Variants in HSD17B14 observed in about 807,000 individuals in gnomAD.
The protein encoded by HSD17B14 is L-fucose dehydrogenase.
A neutral mutation model predicts 32.2 loss-of-function variants in HSD17B14; 32 were observed. The ratio of observed to expected loss-of-function variants is 0.99; its 90% CI spans 0.75 to 1.33. HSD17B14 has a LOEUF of 1.33. Ranked by LOEUF, HSD17B14 falls within the 40% of genes most tolerant of loss-of-function variation. HSD17B14 has a pLI of 0.00. For missense variants in HSD17B14, 370 were observed against 366.5 expected (o/e 1.01, Z -0.08); for synonymous variants, 140 against 155.4 (o/e 0.90, Z 0.74).
chr19:48,828,106 G>A (rs1036751498), intron 5 of HSD17B14, among the ~76,000 whole-genome samples: 4 of 152,002 alleles, frequency 2.6e-5, no homozygotes, highest in East Asian at 1.9e-4. Context: ...CGCCGGCCTC[G>A]GCCTCCCAAA....
rs370145914 is a variant in HSD17B14 at position 48,822,548 on chromosome 19, ATGT to A, written c.370-7410_370-7408del. ...GATGACTGTGGTAATGATGGTGGTG[ATGT>A]TGGTGATGGTAAATTTTAGTAATGA... On this transcript the variant is annotated intron_variant, in intron 5 of 8. Coordinates refer to ENST00000263278, the MANE Select transcript of HSD17B14 (RefSeq NM_016246.3). 1.9e-4 allele frequency among the ~76,000 whole-genome samples: 28 copies of A among 148,940 alleles called. No individual in the cohort carries two copies. In the South Asian group the frequency reaches 4.5e-3, roughly 24 times the overall value.
chr19:48,832,182 C>G (rs1056083764), intron 4 of HSD17B14, among the ~76,000 whole-genome samples: 1 of 150,150 alleles, frequency 6.7e-6, no homozygotes, highest in Non-Finnish European at 1.5e-5. Context: ...GAGTTCAAGA[C>G]CAGCCTGGCT....
At chr19:48,814,193 T>TAA (rs1555775573) in intron 6 of HSD17B14, among the ~76,000 whole-genome samples, 1 of 82,686 alleles carries the variant, frequency 1.2e-5, no homozygotes, top group East Asian at 2.8e-4. Flanking sequence ...AGACCCTATC[T>TAA]AAAAAAAAAA....
Position 48,836,404 on chromosome 19 carries a change from G to T in HSD17B14, c.8C>A (p.Thr3Lys), listed in dbSNP as rs748792003. 3.1e-6 allele frequency: 5 copies of T among 1,613,472 alleles called. No individual in the cohort carries two copies. Among genetic ancestry groups the T allele is most frequent in the Non-Finnish European group, 3.4e-6 (4 of 1,179,974 alleles). Residue 3 changes from threonine to lysine, a missense_variant, in exon 1 of 9, where the codon ACG becomes AAG. Thr to Lys is a moderately conservative substitution (Grantham distance 78, BLOSUM62 -1). Transcript: ENST00000263278. ...CACCTTCCCGGCATAGCGCGTTCCC[G>T]TAGCCATCCCGTGTACGTCGGTCTC... MATGTRYAGKVVV... is the reference protein window; with the variant it reads MAKGTRYAGKVVV...
At chr19:48,816,130 T>C (rs1273679334) in intron 5 of HSD17B14, among the ~76,000 whole-genome samples, 1 of 152,028 alleles carries the variant, frequency 6.6e-6, no homozygotes, top group Non-Finnish European at 1.5e-5. Context: ...TCTGTGTGTG[T>C]GCGTGTGTGT....
intron 2 of HSD17B14, among the ~76,000 whole-genome samples, 180 bp downstream of exon 2, chr19:48,835,625 G>T (rs952493336): frequency 8.3e-5 from 12 of 143,872 alleles, no homozygotes; most frequent in African/African-American, 2.7e-4. Flanking sequence ...AGGGCAGAGG[G>T]GCTGGGGGCC....
chr19:48,816,803 C>CTTTCTTTCTTTCT (rs1359509407), intron 5 of HSD17B14, among the ~76,000 whole-genome samples: 2 of 116,432 alleles, frequency 1.7e-5, no homozygotes, highest in Admixed American at 9.6e-5. Context: ...TTCTTTCTTT[C>CTTTCTTTCTTTCT]TTTCTTTCTT....
At chr19:48,825,329 TGAGAC>T (rs2035227020) in intron 5 of HSD17B14, among the ~76,000 whole-genome samples, 3 of 151,980 alleles carry the variant, frequency 2.0e-5, no homozygotes, top group Admixed American at 2.0e-4. Flanking sequence ...TTGTTTTGTT[TGAGAC>T]AAGTTCTTAC....
intron 5 of HSD17B14, among the ~76,000 whole-genome samples, chr19:48,821,594 C>A (rs2035149054): frequency 6.6e-6 from 1 of 151,438 alleles, no homozygotes; most frequent in African/African-American, 2.4e-5. Context: ...AGTCACGTGG[C>A]TGAGAGAGAA....
At chr19:48,820,918 G>A (rs2035135963) in intron 5 of HSD17B14, among the ~76,000 whole-genome samples, 3 of 152,022 alleles carry the variant, frequency 2.0e-5, no homozygotes, top group African/African-American at 7.2e-5. Flanking sequence ...TGGCCAGGCT[G>A]GTCTCAAACC....
At chr19:48,825,818 C>CTTTA (rs779912813) in intron 5 of HSD17B14, among the ~76,000 whole-genome samples, 128 of 151,828 alleles carry the variant, frequency 8.4e-4, no homozygotes, top group East Asian at 7.8e-4. Flanking sequence ...ACTTGACCAA[C>CTTTA]TTTATTTATT....
chr19:48,827,547 G>GT (rs141150187), intron 5 of HSD17B14, among the ~76,000 whole-genome samples: 11,547 of 150,228 alleles, frequency 0.077, 1,222 homozygotes, highest in African/African-American at 0.24. Flanking sequence ...CTTCTCCTTC[G>GT]TTTTTTTTTA....
At chr19:48,830,840 ATTT>A (rs1283117977) in intron 5 of HSD17B14, among the ~76,000 whole-genome samples, 1 of 148,478 alleles carries the variant, frequency 6.7e-6, no homozygotes, top group African/African-American at 2.5e-5. Flanking sequence ...TTATTTATTT[ATTT>A]ATTTATTTAT....
At chr19:48,821,013 ATTTTTT>A (rs550582834) in intron 5 of HSD17B14, among the ~76,000 whole-genome samples, 163 of 123,832 alleles carry the variant, frequency 1.3e-3, no homozygotes, top group Non-Finnish European at 2.2e-3. Flanking sequence ...GGATGGATAG[ATTTTTT>A]TTTTTTTTTT....
At chr19:48,825,216 C>A (rs539979785) in intron 5 of HSD17B14, among the ~76,000 whole-genome samples, 3 of 121,140 alleles carry the variant, frequency 2.5e-5, no homozygotes, top group Non-Finnish European at 4.7e-5. Context: ...CCAGCCTGGG[C>A]GATAGAGCGA....
chr19:48,820,394 T>C lies in HSD17B14; in HGVS notation c.370-5253A>G, dbSNP rs374364779. Among the ~76,000 whole-genome samples, 9 of 151,334 alleles carry C rather than the reference T, an allele frequency of 5.9e-5. No homozygotes were observed. In the East Asian group the frequency reaches 1.0e-3, roughly 17 times the overall value. On this transcript the variant is annotated intron_variant, in intron 5 of 8. Transcript: ENST00000263278. ...CTGAGACATGAGAACTGCTTGAACC[T>C]GGGAGGTGGAGATTGCAGTGAGCCG...
At chr19:48,820,331 G>A (rs375882064) in intron 5 of HSD17B14, among the ~76,000 whole-genome samples, 4 of 151,860 alleles carry the variant, frequency 2.6e-5, no homozygotes, top group East Asian at 2.0e-4. Context: ...TTAGCCAGGC[G>A]TGGTGGCACA....
intron 4 of HSD17B14, among the ~76,000 whole-genome samples, 163 bp downstream of exon 4, chr19:48,832,503 C>T (rs968017257): frequency 3.3e-5 from 5 of 152,120 alleles, no homozygotes; most frequent in African/African-American, 1.2e-4. Context: ...AGTTTCAGCA[C>T]AGGCCTGGGG....
intron 5 of HSD17B14, among the ~76,000 whole-genome samples, chr19:48,827,179 A>G (rs1056372652): frequency 3.0e-4 from 45 of 151,370 alleles, no homozygotes; most frequent in African/African-American, 1.1e-3. Context: ...AGAAGCTGGG[A>G]TTACAGGCGC....
Sources: gnomAD v4.1 joint callset for allele counts (sites outside exome capture counted in the v4.1 genomes callset) on GRCh38, gnomAD v4.1.1 for gene constraint, MANE v1.5 for transcripts, NCBI Gene and HGNC (gene_info 2026-07-23, HGNC 2026-07-21) for gene names.